MPPED1: variants seen among roughly 807,000 people sequenced by gnomAD.
MPPED1 encodes metallophosphoesterase domain-containing protein 1.
In MPPED1, 16 loss-of-function variants were observed where a neutral mutation model predicts 36.2. The ratio of observed to expected loss-of-function variants is 0.44; its 90% CI spans 0.30 to 0.67. The LOEUF is 0.67. MPPED1 is among the 30% of genes least tolerant of loss of function. MPPED1 has a pLI of 0.10. For synonymous variants in MPPED1, 199 were observed against 191.3 expected, an observed-to-expected ratio of 1.04 and a Z score of -0.33; for missense variants, 307 against 453.4, an observed-to-expected ratio of 0.68 and a Z score of 2.93.
intron 3 of MPPED1, among the ~76,000 whole-genome samples, chr22:43,446,594 G>A (rs1930355790): frequency 6.6e-6 from 1 of 152,182 alleles, no homozygotes; most frequent in Admixed American, 6.5e-5. Context: ...GAGCAAGTGA[G>A]TGGAAGAAAC....
chr22:43,440,104 G>A (rs370065600), intron 3 of MPPED1, among the ~76,000 whole-genome samples: 1 of 152,260 alleles, frequency 6.6e-6, no homozygotes, highest in Admixed American at 6.5e-5. Context: ...ATGTGCAGCC[G>A]TGAGTGGCAT....
chr22:43,489,078 C>A (rs915757047), intron 4 of MPPED1, among the ~76,000 whole-genome samples: 1 of 152,150 alleles, frequency 6.6e-6, no homozygotes, highest in Admixed American at 6.5e-5. Flanking sequence ...CTGCCCTAAC[C>A]TCTGAAACAC....
At chr22:43,494,002 C>T (rs1932180588) in intron 4 of MPPED1, among the ~76,000 whole-genome samples, 1 of 152,072 alleles carries the variant, frequency 6.6e-6, no homozygotes, top group Non-Finnish European at 1.5e-5. Context: ...TTTTGGGGGG[C>T]TCTGAGGGAA....
intron 3 of MPPED1, among the ~76,000 whole-genome samples, chr22:43,464,237 G>C (rs951875517): frequency 2.0e-5 from 3 of 151,592 alleles, no homozygotes; most frequent in African/African-American, 7.3e-5. Context: ...TCAGAGGCTT[G>C]ATGACACTGC....
chr22:43,425,421 C>T (rs1228747386), intron 2 of MPPED1, among the ~76,000 whole-genome samples: 5 of 152,230 alleles, frequency 3.3e-5, no homozygotes, highest in Non-Finnish European at 1.5e-5. Context: ...CGATTCTGGC[C>T]GCAGTCCTGT....
chr22:43,461,646 A>T (rs988119097), intron 3 of MPPED1, among the ~76,000 whole-genome samples: 6 of 152,208 alleles, frequency 3.9e-5, no homozygotes, highest in South Asian at 2.1e-4. Context: ...AGAGCTGCTC[A>T]TAGCAAGAGA....
At position 43,507,427 on chromosome 22, in the gene MPPED1, G is replaced by C. The variant is rs572261580; in HGVS notation, c.*1811G>C. On this transcript the variant is annotated 3_prime_UTR_variant, in exon 7 of 7. Transcript: ENST00000443721. ...GGAAGCCTGGCAGCAGCACTGTATC[G>C]GGTTGGCTGAAGCTGAGCGCCGTGG... is the stretch of plus-strand genomic sequence containing the variant. 6.6e-6 allele frequency: 1 copy of C among 152,270 alleles called. No individual in the cohort carries two copies. Among genetic ancestry groups the C allele is most frequent in the South Asian group, 2.1e-4 (1 of 4,830 alleles). The allele number at this position is 152,270 out of a possible 1,614,324, so 9.4% of individuals were successfully genotyped here. A position where few individuals can be genotyped will look rare whatever the true frequency, so the allele number is the denominator to read the frequency against.
chr22:43,454,675 T>A (rs2146858271), intron 3 of MPPED1, among the ~76,000 whole-genome samples: 1 of 152,278 alleles, frequency 6.6e-6, no homozygotes, highest in South Asian at 2.1e-4. Flanking sequence ...CTCAGCCTCC[T>A]GAATAGCTGG....
intron 4 of MPPED1, among the ~76,000 whole-genome samples, chr22:43,478,750 G>A (rs1161579742): frequency 6.6e-6 from 1 of 152,128 alleles, no homozygotes; most frequent in African/African-American, 2.4e-5. Context: ...TGGGTCCCCG[G>A]CCATACCCCC....
intron 1 of MPPED1, among the ~76,000 whole-genome samples, chr22:43,421,004 A>G (rs1011910285): frequency 2.0e-5 from 3 of 152,306 alleles, no homozygotes; most frequent in African/African-American, 7.2e-5. Context: ...TTGGGGAGGC[A>G]TCTGCAGCCC....
chr22:43,494,793 C>T (rs1447819760), intron 4 of MPPED1, among the ~76,000 whole-genome samples: 1 of 151,410 alleles, frequency 6.6e-6, no homozygotes, highest in African/African-American at 2.4e-5. Context: ...TTCTAAACAA[C>T]AGAAGTGTGT....
chr22:43,451,926 G>A (rs1043246868), intron 3 of MPPED1, among the ~76,000 whole-genome samples: 1 of 152,182 alleles, frequency 6.6e-6, no homozygotes, highest in East Asian at 1.9e-4. Context: ...TCCTGCCGGA[G>A]TGCCAATCCT....
At position 43,459,966 on chromosome 22, in the gene MPPED1, T is replaced by C. The variant is rs112342226; in HGVS notation, c.407-14770T>C. Among the ~76,000 whole-genome samples the C allele has an allele frequency of 5.5e-4, 83 of 152,272 alleles. 1 individual carries two copies. The highest frequency in any genetic ancestry group is 1.0e-3 in the Non-Finnish European group (68 of 68,022). The stretch of plus-strand genomic sequence containing the variant: ...GCTTACGCCTGTAATCCCAGCACTT[T>C]GGGAGGCCAAGGCGAGTGGATCACG... On this transcript the variant is annotated intron_variant, in intron 3 of 6. Transcript: ENST00000443721.
chr22:43,494,417 G>A (rs1004415506), intron 4 of MPPED1, among the ~76,000 whole-genome samples: 3 of 152,072 alleles, frequency 2.0e-5, no homozygotes, highest in Admixed American at 6.5e-5. Flanking sequence ...GGTTTCTGAT[G>A]GTTGCTGGTG....
intron 3 of MPPED1, among the ~76,000 whole-genome samples, chr22:43,437,712 C>G (rs1285258192): frequency 6.6e-6 from 1 of 152,186 alleles, no homozygotes; most frequent in East Asian, 1.9e-4. Flanking sequence ...TCGCATCCCT[C>G]CAAATGTTGT....
chr22:43,419,702 G>A (rs1929196967), intron 1 of MPPED1, among the ~76,000 whole-genome samples: 1 of 151,640 alleles, frequency 6.6e-6, no homozygotes, highest in South Asian at 2.1e-4. Flanking sequence ...CATGGTGATG[G>A]GGGGTCAAGA....
intron 3 of MPPED1, among the ~76,000 whole-genome samples, chr22:43,461,887 G>A (rs1029517711): frequency 6.6e-6 from 1 of 152,108 alleles, no homozygotes; most frequent in East Asian, 1.9e-4. Context: ...TAATAATATT[G>A]CCTGTTTTGT....
chr22:43,502,565 A>G lies in MPPED1; in HGVS notation c.749-79A>G. The stretch of plus-strand genomic sequence containing the variant: ...AAGCCCCATGCCTTCTCCAGGCTGC[A>G]GAAGCTGCTGCTAGGCGTGGGGCAG... On this transcript the variant is annotated intron_variant, in intron 5 of 6. Transcript: ENST00000443721. The surrounding 1 kb of genome is among the most constrained non-coding windows in gnomAD (Gnocchi z 5.5). The G allele has an allele frequency of 8.7e-7, 1 of 1,148,822 alleles. No individual in the cohort carries two copies. The highest frequency in any genetic ancestry group is 1.3e-6 in the Non-Finnish European group (1 of 767,854). The allele number at this position is 1,148,822 out of a possible 1,614,324, so 71.2% of individuals were successfully genotyped here.
intron 2 of MPPED1, among the ~76,000 whole-genome samples, chr22:43,433,050 C>T (rs1274565583): frequency 6.6e-6 from 1 of 152,062 alleles, no homozygotes; most frequent in Non-Finnish European, 1.5e-5. Context: ...TGCCCTTGGT[C>T]TGATCAGCTG....
Sources: gnomAD v4.1 joint callset for allele counts (sites outside exome capture counted in the v4.1 genomes callset) on GRCh38, gnomAD v4.1.1 for gene constraint, Gnocchi (gnomAD v3.1) non-coding constraint, MANE v1.5 for transcripts, NCBI Gene and HGNC (gene_info 2026-07-23, HGNC 2026-07-21) for gene names.